Variants in ERCC8 observed in about 807,000 individuals in gnomAD.
ERCC8 encodes the protein ERCC excision repair 8, CSA ubiquitin ligase complex subunit, also known as DNA excision repair protein ERCC-8.
In ERCC8, 52 loss-of-function variants were observed where a neutral mutation model predicts 54.9. The ratio of observed to expected loss-of-function variants is 0.95; its 90% confidence interval spans 0.76 to 1.19. The LOEUF (loss-of-function observed/expected upper bound fraction) is 1.19, where lower values mean the gene tolerates loss of function less well. ERCC8 is among the 50% of genes most tolerant of loss of function. The pLI is 0.00. For synonymous variants in ERCC8, 146 were observed against 157.2 expected (o/e 0.93, Z 0.53); for missense variants, 514 against 466.1 (o/e 1.10, Z -0.95).
chr5:60,912,035 A>G (rs943929583), intron 4 of ERCC8, among the ~76,000 whole-genome samples: 1 of 152,132 alleles, frequency 6.6e-6, no homozygotes, highest in Non-Finnish European at 1.5e-5. Context: ...TGATGCCTCC[A>G]GCTTTGTTCT....
intron 10 of ERCC8, among the ~76,000 whole-genome samples, chr5:60,887,995 A>T: frequency 6.6e-6 from 1 of 152,194 alleles, no homozygotes; most frequent in East Asian, 1.9e-4. Flanking sequence ...TGTATATCCC[A>T]TGCCTGTTGA....
intron 9 of ERCC8, chr5:60,892,198 C>T (rs367797045): frequency 1.9e-5 from 10 of 526,790 alleles, no homozygotes; most frequent in East Asian, 9.9e-5. Context: ...GATGACGATT[C>T]GGATTGGTGC....
At chr5:60,927,869 G>A (rs1458078720) in intron 2 of ERCC8, among the ~76,000 whole-genome samples, 1 of 152,196 alleles carries the variant, frequency 6.6e-6, no homozygotes, top group East Asian at 1.9e-4. Context: ...TATACTAGTA[G>A]ATGAGACCAT....
At chr5:60,907,731 T>C (rs985970705) in intron 4 of ERCC8, among the ~76,000 whole-genome samples, 2 of 152,132 alleles carry the variant, frequency 1.3e-5, no homozygotes, top group African/African-American at 4.8e-5. Flanking sequence ...GTCTTTTTCA[T>C]CTTAACACCG....
intron 4 of ERCC8, among the ~76,000 whole-genome samples, chr5:60,915,604 T>C (rs1054449849): frequency 2.0e-5 from 3 of 152,020 alleles, no homozygotes; most frequent in Non-Finnish European, 4.4e-5. Flanking sequence ...GCATTCCTTT[T>C]TGGAGGCTCT....
In ERCC8 at chr5:60,884,348, C is replaced by T. The variant is rs534385289; in HGVS notation, c.1122+3092G>A. 8.9e-4 allele frequency among the ~76,000 whole-genome samples: 135 copies of T among 151,542 alleles called. 1 individual carries two copies. The highest frequency in any genetic ancestry group is 2.9e-3 in the African/African-American group (120 of 41,216). Reference sequence around the variant, plus strand: ...AAAATTAGCTGGGCGTGGTGGTGGGCGCCTGTAGTCCCAGCTACTCGGGAG... The same window carrying T: ...AAAATTAGCTGGGCGTGGTGGTGGGTGCCTGTAGTCCCAGCTACTCGGGAG... On this transcript the variant is annotated intron_variant, in intron 11 of 11. Coordinates refer to ENST00000676185, the MANE Select transcript of ERCC8 (RefSeq NM_000082.4).
chr5:60,905,283 C>T (rs1246082786), intron 4 of ERCC8, among the ~76,000 whole-genome samples: 1 of 121,422 alleles, frequency 8.2e-6, no homozygotes, highest in South Asian at 2.6e-4. Flanking sequence ...TGAAATCATA[C>T]ATTTCAGTTA....
At chr5:60,896,013 T>G (rs1748713542) in intron 9 of ERCC8, among the ~76,000 whole-genome samples, 1 of 152,270 alleles carries the variant, frequency 6.6e-6, no homozygotes, top group Admixed American at 6.5e-5. Flanking sequence ...GAGACGGAGT[T>G]TTCGCTCTTA....
chr5:60,894,375 G>T (rs2112481258), intron 9 of ERCC8, among the ~76,000 whole-genome samples: 1 of 152,228 alleles, frequency 6.6e-6, no homozygotes, highest in Non-Finnish European at 1.5e-5. Context: ...TAATAACTGA[G>T]AATAGGTATA....
chr5:60,903,442 A>G, intron 6 of ERCC8: 2 of 762,974 alleles, frequency 2.6e-6, no homozygotes, highest in Non-Finnish European at 2.0e-6. Flanking sequence ...AGCTTCCCCA[A>G]TGATCATTGT....
intron 1 of ERCC8, among the ~76,000 whole-genome samples, chr5:60,931,391 C>T (rs1749905462): frequency 6.6e-6 from 1 of 152,140 alleles, no homozygotes; most frequent in Admixed American, 6.5e-5. Context: ...ACTATAGCCT[C>T]AAACTCCTGG....
At chr5:60,880,621 T>C (rs1748182618) in intron 11 of ERCC8, among the ~76,000 whole-genome samples, 1 of 152,240 alleles carries the variant, frequency 6.6e-6, no homozygotes. Flanking sequence ...CATTTGATCT[T>C]CCATCACTGA....
chr5:60,939,394 T>C (rs1358880421), intron 1 of ERCC8, among the ~76,000 whole-genome samples: 1 of 152,210 alleles, frequency 6.6e-6, no homozygotes, highest in Non-Finnish European at 1.5e-5. Context: ...GAAGGGAAAT[T>C]GGGTAAAATA....
chr5:60,875,463 G>C (rs1028230125), intron 11 of ERCC8, among the ~76,000 whole-genome samples: 3 of 152,150 alleles, frequency 2.0e-5, no homozygotes, highest in Non-Finnish European at 4.4e-5. Flanking sequence ...TTTCAAATCA[G>C]TTCATTTTGG....
intron 11 of ERCC8, among the ~76,000 whole-genome samples, chr5:60,880,722 G>A (rs992817282): frequency 3.3e-5 from 5 of 152,060 alleles, no homozygotes; most frequent in East Asian, 1.9e-4. Flanking sequence ...CCATCAGGTC[G>A]TTAAAGGACT....
intron 2 of ERCC8, among the ~76,000 whole-genome samples, chr5:60,928,138 G>A (rs1366616719): frequency 6.6e-6 from 1 of 152,140 alleles, no homozygotes; most frequent in African/African-American, 2.4e-5. Context: ...GGTTTTGTAC[G>A]GTCTTTTAAG....
chr5:60,941,122 C>T (rs145397278), intron 1 of ERCC8, among the ~76,000 whole-genome samples: 1 of 152,112 alleles, frequency 6.6e-6, no homozygotes, highest in East Asian at 1.9e-4. Flanking sequence ...TCAGGACCAG[C>T]CTGGGCAAAA....
At chr5:60,924,713 C>G (rs1749699192) in intron 2 of ERCC8, among the ~76,000 whole-genome samples, 1 of 152,058 alleles carries the variant, frequency 6.6e-6, no homozygotes, top group Non-Finnish European at 1.5e-5. Flanking sequence ...TATATATACA[C>G]CTCTTGAATT....
At chr5:60,914,257 T>G (rs1749359491) in intron 4 of ERCC8, among the ~76,000 whole-genome samples, 1 of 152,102 alleles carries the variant, frequency 6.6e-6, no homozygotes, top group African/African-American at 2.4e-5. Context: ...TGGACTTGCT[T>G]ATGAATCTGG....
Sources: allele counts gnomAD v4.1 joint callset (sites outside exome capture counted in the v4.1 genomes callset), GRCh38; gene constraint gnomAD v4.1.1; transcripts MANE v1.5; gene names NCBI Gene and HGNC (gene_info 2026-07-23, HGNC 2026-07-21).